Variants in USP34 observed in about 807,000 individuals in gnomAD.
USP34 encodes ubiquitin specific peptidase 34, also known as ubiquitin carboxyl-terminal hydrolase 34.
A neutral mutation model predicts 460.3 loss-of-function variants in USP34; 70 were observed. That is an observed-to-expected ratio of 0.15 (90% CI 0.13 to 0.19). The LOEUF (loss-of-function observed/expected upper bound fraction) is 0.19. Ranked by LOEUF, USP34 falls within the 10% of genes least tolerant of loss-of-function variation. The pLI is 1.00. For missense variants in USP34, 3,985 were observed against 4,236.2 expected (o/e 0.94, Z 1.65); for synonymous variants, 1,647 against 1,405.3 (o/e 1.17, Z -3.85).
At chr2:61,339,264 A>G in intron 18 of USP34, 87 bp downstream of exon 18, 3 of 1,353,494 alleles carry the variant, frequency 2.2e-6, no homozygotes, top group African/African-American at 1.5e-5. Flanking sequence ...GAAACAGTAT[A>G]AAAACATCAC....
At chr2:61,236,114 A>T in intron 55 of USP34, 41 bp from the exon 56 acceptor site, 1 of 1,596,004 alleles carries the variant, frequency 6.3e-7, no homozygotes, top group Non-Finnish European at 8.5e-7. Context: ...AATCATTTTA[A>T]AGTAGTAAAT....
At chr2:61,231,453 C>T (rs1248012606) in intron 58 of USP34, among the ~76,000 whole-genome samples, 1 of 152,152 alleles carries the variant, frequency 6.6e-6, no homozygotes, top group Non-Finnish European at 1.5e-5. Context: ...TGGCTCACAA[C>T]TATAATCCCA....
At chr2:61,267,767 C>T (rs957759517) in intron 41 of USP34, among the ~76,000 whole-genome samples, 2 of 152,136 alleles carry the variant, frequency 1.3e-5, no homozygotes, top group Non-Finnish European at 2.9e-5. Flanking sequence ...GCGCCCACCA[C>T]AACACCCGGT....
chr2:61,414,557 A>G (rs530719060), intron 2 of USP34, among the ~76,000 whole-genome samples: 1 of 152,358 alleles, frequency 6.6e-6, no homozygotes, highest in Admixed American at 6.5e-5. Flanking sequence ...GGAATCCAGG[A>G]AACTTGGAGA....
At position 61,188,178 on chromosome 2, in the gene USP34, G is replaced by A. The variant is rs1347891163; in HGVS notation, c.10565C>T (p.Thr3522Ile). Residue 3522 changes from threonine (T) to isoleucine (I), a missense_variant, in exon 80 of 80, where the codon ACC becomes ATC. Physicochemically the swap from Thr to Ile is moderately conservative, Grantham distance 89 (BLOSUM62 -1). This residue lies in a region of USP34 where 506 missense variants were observed against 439.0 expected (regional missense o/e 1.15). Transcript: ENST00000398571. ...TGTAGATTCAATGGTCCTACACAGG[G>A]TATCTAAAATGTCATGTTGCTGCAT... ...SHMQQHDILD[T>I]LCRTIESTIH... 6.2e-7 allele frequency: 1 copy of A among 1,614,136 alleles called. No homozygotes were observed. Among genetic ancestry groups the A allele is most frequent in the Admixed American group, 1.7e-5 (1 of 60,014 alleles).
At chr2:61,247,113 C>T (rs72811473) in intron 49 of USP34, among the ~76,000 whole-genome samples, 10,551 of 151,904 alleles carry the variant, frequency 0.069, 498 homozygotes, top group Non-Finnish European at 0.1. Flanking sequence ...TTCCTATCCC[C>T]AAAGATTTAA....
intron 10 of USP34, among the ~76,000 whole-genome samples, chr2:61,365,331 A>ATG (rs1365680564): frequency 2.2e-4 from 33 of 151,824 alleles, no homozygotes; most frequent in South Asian, 8.3e-4. Context: ...GTGTGTGTAT[A>ATG]TATGTATGTA....
At position 61,343,960 on chromosome 2, in the gene USP34, T is replaced by C. The variant is rs11891480; in HGVS notation, c.2355A>G (p.Ser785=). Residue 785 remains serine, a synonymous_variant, in exon 16 of 80, where the codon TCA becomes TCG. Coordinates refer to ENST00000398571, the MANE Select transcript of USP34 (RefSeq NM_014709.4). The part of the protein sequence containing the change: ...SCSSSQVSAK[S]EKNMADFDGE... ...CATCAAAATCAGCCATATTTTTTTC[T>C]GATTTTGCACTAACCTGGGAGCTAC... The C allele has an allele frequency of 3.3e-5, 54 of 1,613,858 alleles. No individual in the cohort carries two copies. Among genetic ancestry groups the C allele is most frequent in the Non-Finnish European group, 4.5e-5 (53 of 1,179,930 alleles).
intron 2 of USP34, among the ~76,000 whole-genome samples, chr2:61,411,077 G>A (rs982143066): frequency 3.9e-5 from 6 of 152,090 alleles, no homozygotes; most frequent in African/African-American, 1.4e-4. Context: ...AGGAACACCA[G>A]ATACCAAAGA....
At chr2:61,413,032 C>A (rs1326167197) in intron 2 of USP34, among the ~76,000 whole-genome samples, 1 of 152,022 alleles carries the variant, frequency 6.6e-6, no homozygotes, top group South Asian at 2.1e-4. Context: ...AAAAGGCCCA[C>A]CAAAACAGAC....
Position 61,235,914 on chromosome 2 carries a change from G to C in USP34, c.6967-4C>G. Reference sequence around the variant, plus strand: ...CAATCCACTGAAGCATCGTGGGCTAGAAAAGAAAAGTCAGTCAAAGCATAT... The same window carrying C: ...CAATCCACTGAAGCATCGTGGGCTACAAAAGAAAAGTCAGTCAAAGCATAT... On this transcript the variant is annotated splice_polypyrimidine_tract_variant and splice_region_variant and intron_variant, in intron 56 of 79. Transcript: ENST00000398571. 5 of 1,611,562 alleles carry C rather than the reference G, an allele frequency of 3.1e-6. No homozygotes were observed. The highest frequency in any genetic ancestry group is 1.1e-5 in the South Asian group (1 of 90,180).
chr2:61,406,445 A>ATACTTTTAT (rs1356789278), intron 2 of USP34, among the ~76,000 whole-genome samples: 4 of 152,162 alleles, frequency 2.6e-5, no homozygotes, highest in Non-Finnish European at 4.4e-5. Flanking sequence ...AGTACTCAAT[A>ATACTTTTAT]TATGTTTAGC....
intron 77 of USP34, 24 bp from the exon 78 acceptor site, chr2:61,190,438 T>C (rs774213671): frequency 1.9e-6 from 3 of 1,597,064 alleles, no homozygotes; most frequent in Admixed American, 3.6e-5. Flanking sequence ...TTTAAAAAAA[T>C]CTCCAAAAGA....
At chr2:61,437,968 T>C (rs974443905) in intron 1 of USP34, among the ~76,000 whole-genome samples, 6 of 151,778 alleles carry the variant, frequency 4.0e-5, no homozygotes, top group Non-Finnish European at 5.9e-5. Flanking sequence ...TTCCAAAAAA[T>C]TGAAGCAAAG....
chr2:61,423,845 G>A (rs957171581), intron 1 of USP34, among the ~76,000 whole-genome samples: 5 of 152,112 alleles, frequency 3.3e-5, no homozygotes, highest in African/African-American at 4.8e-5. Context: ...TAGCTACTCA[G>A]GACACTAAGG....
At chr2:61,452,821 G>C (rs1315976441) in intron 1 of USP34, among the ~76,000 whole-genome samples, 1 of 150,626 alleles carries the variant, frequency 6.6e-6, no homozygotes, top group African/African-American at 2.4e-5. Context: ...AGAGGTCAAG[G>C]CTGCAGTCAG....
chr2:61,301,173 G>A lies in USP34; in HGVS notation c.3919-13C>T, dbSNP rs535622778. 163 of 1,563,526 alleles carry A rather than the reference G, an allele frequency of 1.0e-4. 1 individual carries two copies. The South Asian group carries it at 1.7e-3, about 16-fold the overall frequency. On this transcript the variant is annotated splice_polypyrimidine_tract_variant and intron_variant, in intron 28 of 79. Transcript: ENST00000398571. ...ATACAAATACCATCTATAAAAAACA[G>A]GAAAAAAAATTTATGCATATCAAGC...
chr2:61,300,236 C>T (rs763533608), intron 29 of USP34, among the ~76,000 whole-genome samples: 2 of 152,100 alleles, frequency 1.3e-5, no homozygotes, highest in African/African-American at 2.4e-5. Context: ...CTCACGATGA[C>T]GCAAAAGGTT....
intron 53 of USP34, among the ~76,000 whole-genome samples, chr2:61,238,036 C>G (rs1688122518): frequency 6.6e-6 from 1 of 151,970 alleles, no homozygotes; most frequent in African/African-American, 2.4e-5. Flanking sequence ...GCTGGGATTA[C>G]AGGTGCCCGC....
Sources: allele counts gnomAD v4.1 joint callset (sites outside exome capture counted in the v4.1 genomes callset), GRCh38; gene constraint gnomAD v4.1.1; regional missense constraint gnomAD v4.1.1; transcripts MANE v1.5; gene names NCBI Gene and HGNC (gene_info 2026-07-23, HGNC 2026-07-21).